Variants in CRACDL observed in about 807,000 individuals in gnomAD.
CRACDL encodes CRACD like.
In CRACDL, 26 loss-of-function variants were observed where a neutral mutation model predicts 70.6. The ratio of observed to expected loss-of-function variants is 0.37; its 90% CI spans 0.27 to 0.51. The LOEUF is 0.51. Among genes scored for constraint, CRACDL ranks in the 20% least tolerant of loss-of-function variants. The pLI is 0.94. For synonymous variants in CRACDL, 618 were observed against 615.2 expected (o/e 1.00, Z -0.07); for missense variants, 1,283 against 1,376.9 (o/e 0.93, Z 1.08).
chr2:98,919,779 G>A (rs976309434), intron 1 of CRACDL, among the ~76,000 whole-genome samples: 1 of 152,104 alleles, frequency 6.6e-6, no homozygotes, highest in Admixed American at 6.5e-5. Flanking sequence ...CTGAAACAGG[G>A]TCTCACTCTG....
chr2:98,813,306 C>T (rs371108594), intron 7 of CRACDL, among the ~76,000 whole-genome samples: 143 of 152,212 alleles, frequency 9.4e-4, no homozygotes, highest in African/African-American at 3.3e-3. Context: ...GTGGTGGGTG[C>T]CTGTAATCCT....
intron 1 of CRACDL, among the ~76,000 whole-genome samples, chr2:98,885,682 A>G (rs1222155333): frequency 6.6e-6 from 1 of 152,180 alleles, no homozygotes; most frequent in African/African-American, 2.4e-5. Context: ...GCAACCAACC[A>G]ACCATTTTTC....
chr2:98,812,038 C>T (rs1236867902), intron 7 of CRACDL, among the ~76,000 whole-genome samples: 1 of 152,206 alleles, frequency 6.6e-6, no homozygotes, highest in Non-Finnish European at 1.5e-5. Flanking sequence ...TGCAGTGGCA[C>T]AATCTCTGCT....
chr2:98,811,454 G>A (rs1303028789), intron 7 of CRACDL, among the ~76,000 whole-genome samples: 7 of 142,504 alleles, frequency 4.9e-5, no homozygotes, highest in East Asian at 2.0e-4. Context: ...AGGCTGCAGC[G>A]AGCCAAGATC....
intron 8 of CRACDL, among the ~76,000 whole-genome samples, chr2:98,796,772 G>A (rs1429489158): frequency 6.6e-6 from 1 of 152,138 alleles, no homozygotes; most frequent in Non-Finnish European, 1.5e-5. Context: ...TGCTATTGGG[G>A]GATACAAAAA....
At chr2:98,921,100 G>A (rs1708790337) in intron 1 of CRACDL, among the ~76,000 whole-genome samples, 1 of 152,202 alleles carries the variant, frequency 6.6e-6, no homozygotes, top group African/African-American at 2.4e-5. Flanking sequence ...CAACAAGAGA[G>A]GAGCCGATCC....
chr2:98,847,144 A>C (rs1706294210), intron 1 of CRACDL, among the ~76,000 whole-genome samples: 1 of 152,370 alleles, frequency 6.6e-6, no homozygotes, highest in Non-Finnish European at 1.5e-5. Context: ...TGTTTACTAC[A>C]GGAAGTTTGG....
chr2:98,817,208 G>A (rs1219410321), intron 7 of CRACDL, among the ~76,000 whole-genome samples: 1 of 152,002 alleles, frequency 6.6e-6, no homozygotes, highest in African/African-American at 2.4e-5. Flanking sequence ...CGGGGGAGAG[G>A]GAAATTGGGG....
At chr2:98,844,363 AT>A (rs1270631248) in intron 2 of CRACDL, among the ~76,000 whole-genome samples, 1 of 152,128 alleles carries the variant, frequency 6.6e-6, no homozygotes, top group Non-Finnish European at 1.5e-5. Flanking sequence ...TAGTTGTTTT[AT>A]AGGATGTATT....
At chr2:98,838,853 G>C (rs556710342) in intron 2 of CRACDL, among the ~76,000 whole-genome samples, 1 of 152,288 alleles carries the variant, frequency 6.6e-6, no homozygotes, top group Non-Finnish European at 1.5e-5. Flanking sequence ...GGGGAGGGGT[G>C]TGGCCAGGCT....
At chr2:98,884,400 C>T (rs1048157058) in intron 1 of CRACDL, among the ~76,000 whole-genome samples, 1 of 152,316 alleles carries the variant, frequency 6.6e-6, no homozygotes, top group East Asian at 1.9e-4. Flanking sequence ...GGGCTGGAAG[C>T]AGGCAAAATA....
intron 1 of CRACDL, among the ~76,000 whole-genome samples, chr2:98,888,325 CTG>C (rs537683347): frequency 9.9e-4 from 151 of 152,236 alleles, no homozygotes; most frequent in African/African-American, 3.5e-3. Flanking sequence ...AGCTATAAAT[CTG>C]TGTTAATGAG....
chr2:98,835,291 AATC>A (rs1305312442), intron 3 of CRACDL, among the ~76,000 whole-genome samples: 1 of 152,264 alleles, frequency 6.6e-6, no homozygotes, highest in African/African-American at 2.4e-5. Context: ...GCCAATTAGT[AATC>A]ATCGCCCCTG....
chr2:98,859,909 T>A (rs539025845), intron 1 of CRACDL, among the ~76,000 whole-genome samples: 1 of 152,326 alleles, frequency 6.6e-6, no homozygotes, highest in African/African-American at 2.4e-5. Context: ...TAGATAATGT[T>A]GAGGGATCCA....
intron 7 of CRACDL, among the ~76,000 whole-genome samples, chr2:98,809,314 C>A (rs1704455909): frequency 6.6e-6 from 1 of 151,956 alleles, no homozygotes; most frequent in Non-Finnish European, 1.5e-5. Flanking sequence ...GATTCCCAGC[C>A]ACCACTGGGA....
chr2:98,817,722 A>G (rs1704842951), intron 7 of CRACDL, among the ~76,000 whole-genome samples: 1 of 152,228 alleles, frequency 6.6e-6, no homozygotes, highest in Non-Finnish European at 1.5e-5. Flanking sequence ...AAAAGAATGC[A>G]TGAATGAGTG....
At chr2:98,926,401 C>T (rs1055962802) in intron 1 of CRACDL, among the ~76,000 whole-genome samples, 1 of 152,184 alleles carries the variant, frequency 6.6e-6, no homozygotes, top group Non-Finnish European at 1.5e-5. Flanking sequence ...TATCCCCTCC[C>T]ACCATCCTCT....
intron 1 of CRACDL, among the ~76,000 whole-genome samples, chr2:98,878,678 G>A (rs1272625519): frequency 1.3e-5 from 2 of 152,182 alleles, no homozygotes; most frequent in Non-Finnish European, 2.9e-5. Context: ...TACAGGAGCT[G>A]AGACCAACAG....
In CRACDL at chr2:98,837,455, TA is replaced by T. The variant is rs113790129; in HGVS notation, c.239+663del. ...TATCCTTAAAGGGCCAGCGTTGTCT[TA>T]AAAAAAAAAAGGTAAAAGCTAGCAT... On this transcript the variant is annotated intron_variant, in intron 3 of 9. Transcript: ENST00000397899. 4.6e-3 allele frequency among the ~76,000 whole-genome samples: 672 copies of T among 144,792 alleles called. 2 individuals are homozygous for T. The highest frequency in any genetic ancestry group is 0.012 in the African/African-American group (488 of 39,812). The allele number at this position is 144,792 out of a possible 152,430, so 95.0% of individuals were successfully genotyped here. A position where few individuals can be genotyped will look rare whatever the true frequency, so the allele number is the denominator to read the frequency against.
Sources: allele counts gnomAD v4.1 joint callset (sites outside exome capture counted in the v4.1 genomes callset), GRCh38; gene constraint gnomAD v4.1.1; transcripts MANE v1.5; gene names NCBI Gene and HGNC (gene_info 2026-07-23, HGNC 2026-07-21).